PABPC4L: variants seen among roughly 807,000 people sequenced by gnomAD.
PABPC4L encodes the protein polyadenylate-binding protein 4-like.
For missense variants in PABPC4L, 452 were observed against 451.4 expected (o/e 1.00, Z -0.01); for synonymous variants, 169 against 164.1 (o/e 1.03, Z -0.23).
chr4:134,108,057 C>T, the PABPC4L span, among the ~76,000 whole-genome samples: 11 of 151,374 alleles, frequency 7.3e-5, no homozygotes, highest in Middle Eastern at 7.1e-3. Flanking sequence ...ATTTGAAGTC[C>T]ATTAAAAAGT....
At chr4:134,042,012 C>T in the PABPC4L span, among the ~76,000 whole-genome samples, 3 of 152,140 alleles carry the variant, frequency 2.0e-5, no homozygotes, top group African/African-American at 7.2e-5. Context: ...GGAATCAACC[C>T]AACTGCTCAT....
the PABPC4L span, among the ~76,000 whole-genome samples, chr4:134,165,113 C>A: frequency 6.6e-6 from 1 of 152,098 alleles, no homozygotes; most frequent in African/African-American, 2.4e-5. Flanking sequence ...CCCCATCTCT[C>A]ACCATATACA....
chr4:134,178,703 A>C, the PABPC4L span, among the ~76,000 whole-genome samples: 1 of 152,290 alleles, frequency 6.6e-6, no homozygotes, highest in South Asian at 2.1e-4. Flanking sequence ...AAAGTACTAA[A>C]CAGTTCTGAA....
chr4:134,178,057 T>A, the PABPC4L span, among the ~76,000 whole-genome samples: 1 of 152,060 alleles, frequency 6.6e-6, no homozygotes. Flanking sequence ...CCATGCCTGC[T>A]AGAGCTTCCA....
the PABPC4L span, among the ~76,000 whole-genome samples, chr4:134,041,537 T>G: frequency 6.6e-6 from 1 of 150,960 alleles, no homozygotes; most frequent in African/African-American, 2.4e-5. Context: ...TGAGAACACA[T>G]GGATGTGGGG....
chr4:133,992,541 T>A, the PABPC4L span, among the ~76,000 whole-genome samples: 7 of 152,106 alleles, frequency 4.6e-5, no homozygotes, highest in Non-Finnish European at 1.0e-4. Flanking sequence ...TGCATGTCAT[T>A]AATGAGGGAC....
chr4:134,016,949 C>T, the PABPC4L span, among the ~76,000 whole-genome samples: 1 of 152,130 alleles, frequency 6.6e-6, no homozygotes, highest in Non-Finnish European at 1.5e-5. Context: ...ATCTCTTAGT[C>T]TAGGTAAACA....
downstream of PABPC4L, among the ~76,000 whole-genome samples, chr4:134,192,918 C>A (rs1402782041): frequency 6.6e-6 from 1 of 152,104 alleles, no homozygotes; most frequent in African/African-American, 2.4e-5. Context: ...TGTTCTATTT[C>A]TTGACTTGAG....
the PABPC4L span, among the ~76,000 whole-genome samples, chr4:134,042,379 A>G: frequency 6.8e-4 from 103 of 152,256 alleles, 3 homozygotes; most frequent in South Asian, 0.021. Context: ...CTAAAATCCT[A>G]TACTTCACCA....
At chr4:133,980,880 G>A in the PABPC4L span, among the ~76,000 whole-genome samples, 16 of 152,168 alleles carry the variant, frequency 1.1e-4, no homozygotes, top group Admixed American at 3.9e-4. Context: ...CCAAAAGGCC[G>A]GGCACAGTGG....
chr4:134,135,042 A>C, the PABPC4L span, among the ~76,000 whole-genome samples: 1 of 152,150 alleles, frequency 6.6e-6, no homozygotes, highest in Non-Finnish European at 1.5e-5. Flanking sequence ...CTAGCGAATT[A>C]ATACATATAC....
At chr4:133,957,690 C>G in the PABPC4L span, among the ~76,000 whole-genome samples, 2 of 152,210 alleles carry the variant, frequency 1.3e-5, no homozygotes, top group Non-Finnish European at 2.9e-5. Context: ...TTTCTTGAAC[C>G]TCCAGTCATT....
the PABPC4L span, among the ~76,000 whole-genome samples, chr4:134,053,932 A>C: frequency 6.6e-6 from 1 of 151,874 alleles, no homozygotes; most frequent in African/African-American, 2.4e-5. Flanking sequence ...TTTTAGTGGA[A>C]TGATGATATC....
At chr4:134,082,704 C>T in the PABPC4L span, among the ~76,000 whole-genome samples, 1 of 151,458 alleles carries the variant, frequency 6.6e-6, no homozygotes, top group Admixed American at 6.6e-5. Flanking sequence ...TATATTGGGC[C>T]CATCTCTCTA....
At chr4:133,990,710 A>G in the PABPC4L span, among the ~76,000 whole-genome samples, 1 of 152,160 alleles carries the variant, frequency 6.6e-6, no homozygotes, top group Non-Finnish European at 1.5e-5. Context: ...TGCAAACACA[A>G]TTTGTGGGTA....
the PABPC4L span, among the ~76,000 whole-genome samples, chr4:134,108,433 G>A: frequency 1.3e-5 from 2 of 151,900 alleles, no homozygotes; most frequent in Non-Finnish European, 2.9e-5. Context: ...AAATTAAACA[G>A]AAAATTGAAC....
At chr4:133,951,721 T>A in the PABPC4L span, among the ~76,000 whole-genome samples, 2 of 152,264 alleles carry the variant, frequency 1.3e-5, no homozygotes, top group East Asian at 3.9e-4. Context: ...CTTTAAATCC[T>A]CCATTGCCTT....
chr4:133,998,978 T>G, the PABPC4L span, among the ~76,000 whole-genome samples: 1 of 152,018 alleles, frequency 6.6e-6, no homozygotes, highest in African/African-American at 2.4e-5. Context: ...GACCCTCATT[T>G]TAGAGGTGTC....
the PABPC4L span, among the ~76,000 whole-genome samples, chr4:134,098,412 T>C: frequency 6.6e-6 from 1 of 151,786 alleles, no homozygotes; most frequent in Non-Finnish European, 1.5e-5. Flanking sequence ...TTTGTTTGTT[T>C]GTTTTTTTAT....
Sources: allele counts gnomAD v4.1 joint callset (sites outside exome capture counted in the v4.1 genomes callset), GRCh38; gene constraint gnomAD v4.1.1; transcripts MANE v1.5; gene names NCBI Gene and HGNC (gene_info 2026-07-23, HGNC 2026-07-21).